The following HTT variants were observed in gnomAD, a reference collection of about 807,000 sequenced individuals.
HTT encodes huntington disease protein.
A neutral mutation model predicts 362.3 loss-of-function variants in HTT; 104 were observed. The ratio of observed to expected loss-of-function variants is 0.29; its 90% CI spans 0.24 to 0.34. The LOEUF is 0.34. Ranked by LOEUF, HTT falls within the 10% of genes least tolerant of loss-of-function variation. HTT has a pLI of 1.00. For missense variants in HTT, 3,301 were observed against 3,928.6 expected (o/e 0.84, Z 4.27); for synonymous variants, 1,577 against 1,548.7 (o/e 1.02, Z -0.43).
At chr4:3,229,238 A>C in intron 59 of HTT, among the ~76,000 whole-genome samples, 1 of 143,932 alleles carries the variant, frequency 6.9e-6, no homozygotes, top group Non-Finnish European at 1.5e-5. Flanking sequence ...CACATGCCAC[A>C]CACACACGCC....
intron 40 of HTT, among the ~76,000 whole-genome samples, chr4:3,191,159 C>A (rs1718993201): frequency 1.2e-5 from 1 of 86,312 alleles, no homozygotes; most frequent in Non-Finnish European, 3.3e-5. Flanking sequence ...CTTGAGCTTT[C>A]TTTCTTTCTT....
chr4:3,217,662 T>G, intron 51 of HTT, 103 bp from the exon 52 acceptor site: 1 of 980,970 alleles, frequency 1.0e-6, no homozygotes, highest in Non-Finnish European at 1.5e-6. Flanking sequence ...CTAAGTGGAT[T>G]CCACAGTTAC....
chr4:3,158,458 A>G (rs1018703693), intron 28 of HTT, among the ~76,000 whole-genome samples: 1 of 152,108 alleles, frequency 6.6e-6, no homozygotes, highest in African/African-American at 2.4e-5. Context: ...ATGTTAAGTC[A>G]CCCTGTCCAG....
chr4:3,162,460 A>C (rs1255418421), intron 29 of HTT, among the ~76,000 whole-genome samples: 1 of 152,244 alleles, frequency 6.6e-6, no homozygotes, highest in Non-Finnish European at 1.5e-5. Flanking sequence ...TTCTGTGAAG[A>C]AAGTCAGTGA....
rs1276076549 is a variant in HTT, at chr4:3,125,705, C to T, written c.1402+76C>T. On this transcript the variant is annotated intron_variant, in intron 11 of 66. Transcript: ENST00000355072. The stretch of plus-strand genomic sequence containing the variant: ...ACCCCTTGCCCTTCCTGCTCGTCCC[C>T]CTGCACCTGGTGGACAGCACGACTG... 4 of 1,080,108 alleles carry T rather than the reference C, an allele frequency of 3.7e-6. No individual in the cohort carries two copies. The Admixed American group carries it at 6.8e-5, about 18-fold the overall frequency. 66.9% of individuals were successfully genotyped at this position (1,080,108 alleles called of 1,614,324 possible).
At chr4:3,214,991 C>G in intron 50 of HTT, 119 bp from the exon 51 acceptor site, 1 of 744,612 alleles carries the variant, frequency 1.3e-6, no homozygotes, top group Non-Finnish European at 2.2e-6. Flanking sequence ...TCTAAGGAAT[C>G]TAGGCTAGTC....
At chr4:3,182,506 T>C (rs1718573869) in intron 37 of HTT, 36 bp downstream of exon 37, 2 of 1,320,682 alleles carry the variant, frequency 1.5e-6, no homozygotes, top group African/African-American at 1.5e-5. Context: ...TGTTGCATAG[T>C]GATGGTAGCT....
At chr4:3,184,727 A>C (rs1718682285) in intron 37 of HTT, among the ~76,000 whole-genome samples, 1 of 152,108 alleles carries the variant, frequency 6.6e-6, no homozygotes, top group Non-Finnish European at 1.5e-5. Context: ...AGGTGAGGCC[A>C]GCATCAGGTG....
chr4:3,130,380 T>G lies in HTT; in HGVS notation c.1943T>G (p.Val648Gly). 6.2e-7 allele frequency: 1 copy of G among 1,609,304 alleles called. No individual in the cohort carries two copies. Residue 648 changes from valine (V) to glycine (G), a missense_variant, in exon 14 of 67, where the codon GTG becomes GGG. Coordinates refer to ENST00000355072, the MANE Select transcript of HTT (RefSeq NM_001388492.1). ...QPSDSSVDKF[V>G]LRDEATEPGD... ...TCTGACAGCAGTGTTGATAAATTTGTGTTGAGAGATGAAGCTACTGAACCG... is the reference window on the plus strand; with the variant it reads ...TCTGACAGCAGTGTTGATAAATTTGGGTTGAGAGATGAAGCTACTGAACCG...
rs1185539348 is a variant in HTT at position 3,211,782 on chromosome 4, T to G, written c.6415-147T>G. 8.2e-6 allele frequency: 5 copies of G among 612,094 alleles called. No individual in the cohort carries two copies. In the South Asian group the frequency reaches 1.1e-4, roughly 13 times the overall value. 37.9% of individuals were successfully genotyped at this position (612,094 alleles called of 1,614,324 possible). On this transcript the variant is annotated intron_variant, in intron 47 of 66. Coordinates refer to ENST00000355072, the MANE Select transcript of HTT (RefSeq NM_001388492.1). ...ATTTATAACAGGCATAGAGTAGAATTTTCTTAAAAATATTTTTGATGGTAT... is the reference window on the plus strand; with the variant it reads ...ATTTATAACAGGCATAGAGTAGAATGTTCTTAAAAATATTTTTGATGGTAT...
At chr4:3,199,270 C>T (rs551813879) in intron 40 of HTT, among the ~76,000 whole-genome samples, 13 of 152,172 alleles carry the variant, frequency 8.5e-5, no homozygotes, top group Non-Finnish European at 1.3e-4. Flanking sequence ...TGGCCAGGCA[C>T]GGCGGCTCAC....
Position 3,204,021 on chromosome 4 carries a change from C to G in HTT, c.5591C>G (p.Ser1864Cys), listed in dbSNP as rs755723185. 6.2e-7 allele frequency: 1 copy of G among 1,614,160 alleles called. No individual in the cohort carries two copies. Among genetic ancestry groups the G allele is most frequent in the Non-Finnish European group, 8.5e-7 (1 of 1,179,988 alleles). ...VQQTPKRHSL[S>C]STKLLSPQMS... ...GCTCCTTCTAGAAGACACAGTCTGT[C>G]CAGCACAAAGTTACTTAGTCCCCAG... The change falls in exon 42 of 67, where the codon TCC becomes TGC. Residue 1864 changes from serine (S) to cysteine (C), a missense_variant. Physicochemically the swap from Ser to Cys is moderately radical, Grantham distance 112 (BLOSUM62 -1). Around this residue, in one of 4 missense-constraint regions of HTT, gnomAD observed 2,316 missense variants for 2,658.5 expected, o/e 0.87. Transcript: ENST00000355072.
At position 3,241,975 on chromosome 4, in the gene HTT, T is replaced by C. The variant is rs1414196696; in HGVS notation, c.*1916T>C. ...TCCGTATTGGTTGGGGGCTCCTGTT[T>C]CTCATCCTAGCTTTTTCCTGGAAAG... On this transcript the variant is annotated 3_prime_UTR_variant, in exon 67 of 67. Coordinates refer to ENST00000355072, the MANE Select transcript of HTT (RefSeq NM_001388492.1). 1 of 152,118 alleles carries C rather than the reference T, an allele frequency of 6.6e-6. No homozygotes were observed. The highest frequency in any genetic ancestry group is 1.5e-5 in the Non-Finnish European group (1 of 68,022). 9.4% of individuals were successfully genotyped at this position (152,118 alleles called of 1,614,324 possible).
At chr4:3,179,504 G>A (rs1036150144) in intron 35 of HTT, among the ~76,000 whole-genome samples, 7 of 152,144 alleles carry the variant, frequency 4.6e-5, no homozygotes, top group African/African-American at 7.2e-5. Context: ...GAGAGAGTAT[G>A]TGTCACTGAG....
chr4:3,164,464 C>G (rs1717600154), intron 29 of HTT, among the ~76,000 whole-genome samples: 1 of 152,168 alleles, frequency 6.6e-6, no homozygotes, highest in Non-Finnish European at 1.5e-5. Context: ...GTGCTGAGTT[C>G]AAGTCCTGGA....
At chr4:3,075,239 C>A in intron 1 of HTT, 151 bp downstream of exon 1, 1 of 740,446 alleles carries the variant, frequency 1.4e-6, no homozygotes, top group Non-Finnish European at 1.8e-6. Context: ...TGAGGGACAC[C>A]CGCCCCCTCC....
At position 3,228,545 on chromosome 4, in the gene HTT, G is replaced by A. The variant is rs1721033745; in HGVS notation, c.7849-70G>A. Reference sequence around the variant, plus strand: ...CGGTAGGCATGTGCTGAGTCCCAGTGGCCACACCCACCCACCAGGAGCCTG... The same window carrying A: ...CGGTAGGCATGTGCTGAGTCCCAGTAGCCACACCCACCCACCAGGAGCCTG... On this transcript the variant is annotated intron_variant, in intron 57 of 66. Coordinates refer to ENST00000355072, the MANE Select transcript of HTT (RefSeq NM_001388492.1). The surrounding 1 kb of genome is among the most constrained non-coding windows in gnomAD (Gnocchi z 4.3). 1 of 1,494,578 alleles carries A rather than the reference G, an allele frequency of 6.7e-7. No individual in the cohort carries two copies. Among genetic ancestry groups the A allele is most frequent in the Non-Finnish European group, 8.9e-7 (1 of 1,117,844 alleles). The allele number at this position is 1,494,578 out of a possible 1,614,324, so 92.6% of individuals were successfully genotyped here. A position where few individuals can be genotyped will look rare whatever the true frequency, so the allele number is the denominator to read the frequency against.
rs1371188504 is a variant in HTT at position 3,172,215 on chromosome 4, A to G, written c.3865-105A>G. On this transcript the variant is annotated intron_variant, in intron 29 of 66. Transcript: ENST00000355072. ...TTCCTCTGATTTTCCTCTACTATTT[A>G]CACAATTTAAATGGAAGTTATCTTG... The G allele has an allele frequency of 5.2e-6, 4 of 765,056 alleles. No homozygotes were observed. In the Admixed American group the frequency reaches 7.4e-5, roughly 14 times the overall value. The allele number at this position is 765,056 out of a possible 1,614,324, so 47.4% of individuals were successfully genotyped here.
At chr4:3,099,796 G>C (rs1174247139) in intron 3 of HTT, among the ~76,000 whole-genome samples, 6 of 149,996 alleles carry the variant, frequency 4.0e-5, no homozygotes, top group African/African-American at 1.5e-4. Flanking sequence ...GTATGGTTTG[G>C]AGATGCTCTA....
Sources: gnomAD v4.1 joint callset for allele counts (sites outside exome capture counted in the v4.1 genomes callset) on GRCh38, gnomAD v4.1.1 for gene constraint, gnomAD v4.1.1 regional missense constraint, Gnocchi (gnomAD v3.1) non-coding constraint, MANE v1.5 for transcripts, NCBI Gene and HGNC (gene_info 2026-07-23, HGNC 2026-07-21) for gene names.